Variants in PLXNC1 observed in about 807,000 individuals in gnomAD.
PLXNC1 encodes the protein plexin-C1.
PLXNC1 carries 75 observed loss-of-function variants against 178.2 expected under a neutral mutation model. The ratio of observed to expected loss-of-function variants is 0.42; its 90% CI spans 0.35 to 0.51. The LOEUF (loss-of-function observed/expected upper bound fraction) is 0.51, where lower values mean the gene tolerates loss of function less well. PLXNC1 is among the 20% of genes least tolerant of loss of function. The pLI is 0.02. For synonymous variants in PLXNC1, 790 were observed against 779.9 expected, an observed-to-expected ratio of 1.01 and a Z score of -0.22; for missense variants, 1,503 against 1,984.4, an observed-to-expected ratio of 0.76 and a Z score of 4.61.
In PLXNC1 at chr12:94,186,482, T is replaced by C. The variant is rs770027145; in HGVS notation, c.1439+9T>C. 4.4e-6 allele frequency: 7 copies of C among 1,584,022 alleles called. No homozygotes were observed. Among genetic ancestry groups the C allele is most frequent in the Non-Finnish European group, 6.1e-6 (7 of 1,152,736 alleles). ...TGCCATTCGCTACAAAGGTATCTCC[T>C]GAATTCTTTCTCACCAACTCGCATT... On this transcript the variant is annotated intron_variant, in intron 4 of 30. Transcript: ENST00000258526.
intron 23 of PLXNC1, among the ~76,000 whole-genome samples, chr12:94,288,940 A>G (rs1966985807): frequency 6.6e-6 from 1 of 152,182 alleles, no homozygotes; most frequent in African/African-American, 2.4e-5. Context: ...TTAAATTATC[A>G]CAATATTCAG....
Position 94,303,749 on chromosome 12 carries a change from T to TACC in PLXNC1, c.4387-7_4387-6insACC. 7.4e-7 allele frequency: 1 copy of TACC among 1,344,376 alleles called. No individual in the cohort carries two copies. Among genetic ancestry groups the TACC allele is most frequent in the African/African-American group, 1.6e-5 (1 of 62,962 alleles). The allele number at this position is 1,344,376 out of a possible 1,614,324, so 83.3% of individuals were successfully genotyped here. ...GATGGTTGCTTTTTTTTTTTTTTTT[T>TACC]CCCCAGGAAGCACCAACTAATAAGC... On this transcript the variant is annotated splice_polypyrimidine_tract_variant and splice_region_variant and intron_variant, in intron 28 of 30. Transcript: ENST00000258526.
chr12:94,216,790 G>A (rs1243247142), intron 5 of PLXNC1, among the ~76,000 whole-genome samples: 1 of 152,188 alleles, frequency 6.6e-6, no homozygotes, highest in Admixed American at 6.5e-5. Context: ...GTGTTGTGCA[G>A]CAAGCAATTC....
At position 94,303,913 on chromosome 12, in the gene PLXNC1, G is replaced by A. The variant is rs7488943; in HGVS notation, c.4527+17G>A. ...GAATCTAAGGTATCATTAGAAAGCA[G>A]AAATAAGCTTATATTTGGTTACTTT... On this transcript the variant is annotated intron_variant, in intron 29 of 30. Coordinates refer to ENST00000258526, the MANE Select transcript of PLXNC1 (RefSeq NM_005761.3). 6 of 1,608,714 alleles carry A rather than the reference G, an allele frequency of 3.7e-6. No homozygotes were observed. The highest frequency in any genetic ancestry group is 5.1e-6 in the Non-Finnish European group (6 of 1,177,594).
chr12:94,301,217 C>T (rs1352927999), intron 28 of PLXNC1, among the ~76,000 whole-genome samples, 160 bp downstream of exon 28: 1 of 152,186 alleles, frequency 6.6e-6, no homozygotes, highest in African/African-American at 2.4e-5. Context: ...AAATCTGTCT[C>T]ATTATTTTTA....
At chr12:94,267,463 AT>A (rs1186324320) in intron 21 of PLXNC1, among the ~76,000 whole-genome samples, 5 of 151,918 alleles carry the variant, frequency 3.3e-5, no homozygotes, top group African/African-American at 4.8e-5. Flanking sequence ...GACTCTTGAA[AT>A]TTTTTTTTCT....
chr12:94,284,604 G>A (rs1966710056), intron 23 of PLXNC1, among the ~76,000 whole-genome samples: 1 of 152,022 alleles, frequency 6.6e-6, no homozygotes. Context: ...TACGAGATAG[G>A]TACTATTATT....
intron 4 of PLXNC1, among the ~76,000 whole-genome samples, chr12:94,189,897 G>T (rs906079379): frequency 6.6e-6 from 1 of 152,182 alleles, no homozygotes; most frequent in Admixed American, 6.5e-5. Flanking sequence ...GTCACCAAGA[G>T]AGTGAGGAGC....
intron 3 of PLXNC1, among the ~76,000 whole-genome samples, chr12:94,184,456 A>G (rs1288530610): frequency 7.0e-6 from 1 of 142,104 alleles, no homozygotes; most frequent in Non-Finnish European, 1.5e-5. Flanking sequence ...ACAGAGTCTC[A>G]CTGTCGCCCA....
Position 94,279,564 on chromosome 12 carries a change from T to C in PLXNC1, c.3690T>C (p.Ile1230=), listed in dbSNP as rs1966273451. Reference sequence around the variant, plus strand: ...TCAATGTTCTCGACTGTGACACCATTGGCCAAGCCAAAGAAAAGATTTTCC... The same window carrying C: ...TCAATGTTCTCGACTGTGACACCATCGGCCAAGCCAAAGAAAAGATTTTCC... The part of the protein sequence containing the change: ...ISVNVLDCDT[I]GQAKEKIFQA... Residue 1230 remains isoleucine (I), a synonymous_variant, in exon 22 of 31, where the codon ATT becomes ATC. Transcript: ENST00000258526. 6.2e-7 allele frequency: 1 copy of C among 1,614,118 alleles called. No individual in the cohort carries two copies. Among genetic ancestry groups the C allele is most frequent in the Non-Finnish European group, 8.5e-7 (1 of 1,180,018 alleles).
At chr12:94,197,437 T>TTCTCTCTC (rs61069982) in intron 4 of PLXNC1, among the ~76,000 whole-genome samples, 30 of 148,656 alleles carry the variant, frequency 2.0e-4, no homozygotes, top group Admixed American at 1.4e-3. Context: ...TTAGGCCCCT[T>TTCTCTCTC]TCTCTCTCTC....
chr12:94,222,309 A>T (rs1468538804), intron 6 of PLXNC1, among the ~76,000 whole-genome samples: 1 of 152,116 alleles, frequency 6.6e-6, no homozygotes, highest in African/African-American at 2.4e-5. Flanking sequence ...CGGGCAAACA[A>T]ATTTGCTTCC....
At chr12:94,177,149 GTATATATATATGTA>G (rs1962093654) in intron 2 of PLXNC1, among the ~76,000 whole-genome samples, 1 of 91,856 alleles carries the variant, frequency 1.1e-5, no homozygotes, top group South Asian at 3.6e-4. Context: ...GTGTGTGTGT[GTATATATATATGTA>G]TATATATATA....
At chr12:94,248,872 A>G (rs1964602053) in intron 14 of PLXNC1, among the ~76,000 whole-genome samples, 1 of 152,164 alleles carries the variant, frequency 6.6e-6, no homozygotes, top group Admixed American at 6.5e-5. Flanking sequence ...TGCTTCCTTC[A>G]CCATGAAGTC....
chr12:94,288,041 C>T (rs541342205), intron 23 of PLXNC1, among the ~76,000 whole-genome samples: 117 of 152,318 alleles, frequency 7.7e-4, no homozygotes, highest in South Asian at 2.5e-3. Context: ...TGTGGCTCTG[C>T]GCAGGGCCTG....
At chr12:94,245,727 A>G (rs1964511934) in intron 12 of PLXNC1, among the ~76,000 whole-genome samples, 1 of 152,176 alleles carries the variant, frequency 6.6e-6, no homozygotes, top group South Asian at 2.1e-4. Flanking sequence ...CAGAGGACAG[A>G]GTCCTCGCAG....
rs1422735158 is a variant in PLXNC1 at position 94,174,865 on chromosome 12, C to T, written c.1203+5572C>T. ...AGCCTGCTTCAAGTTCTCCCCACCT[C>T]ATTAATTGCAATTTATGAGTTTGCA... On this transcript the variant is annotated intron_variant, in intron 2 of 30. Coordinates refer to ENST00000258526, the MANE Select transcript of PLXNC1 (RefSeq NM_005761.3). Among the ~76,000 whole-genome samples, 4 of 152,184 alleles carry T rather than the reference C, an allele frequency of 2.6e-5. No individual in the cohort carries two copies. In the East Asian group the frequency reaches 5.8e-4, roughly 22 times the overall value.
At position 94,149,291 on chromosome 12, in the gene PLXNC1, A is replaced by G; in HGVS notation, c.320A>G (p.Lys107Arg). The change falls in exon 1 of 31, where the codon AAG becomes AGG. Residue 107 changes from lysine to arginine, a missense_variant. Transcript: ENST00000258526. ...CCCCGGCCCGGGAGCAGCTTCAGCA[A>G]GCTGCTGCTGCCCTACCGCGAGGGG... ...ARPRPGSSFS[K>R]LLLPYREGAA... 2 of 1,499,510 alleles carry G rather than the reference A, an allele frequency of 1.3e-6. No homozygotes were observed. Among genetic ancestry groups the G allele is most frequent in the Non-Finnish European group, 1.8e-6 (2 of 1,133,228 alleles). 92.9% of individuals were successfully genotyped at this position (1,499,510 alleles called of 1,614,324 possible).
chr12:94,211,932 G>A (rs1963479718), intron 5 of PLXNC1, among the ~76,000 whole-genome samples: 1 of 152,184 alleles, frequency 6.6e-6, no homozygotes, highest in African/African-American at 2.4e-5. Context: ...GGGCTCCCCT[G>A]GTGGAATGAC....
Sources: allele counts gnomAD v4.1 joint callset (sites outside exome capture counted in the v4.1 genomes callset), GRCh38; gene constraint gnomAD v4.1.1; transcripts MANE v1.5; gene names NCBI Gene and HGNC (gene_info 2026-07-23, HGNC 2026-07-21).